The following PIP5K1B variants were observed in gnomAD, a reference collection of about 807,000 sequenced individuals.
PIP5K1B encodes the protein phosphatidylinositol-4-phosphate 5-kinase type 1 beta.
In PIP5K1B, 42 loss-of-function variants were observed where a neutral mutation model predicts 67.0. That is an observed-to-expected ratio of 0.63 (90% CI 0.49 to 0.81). The LOEUF is 0.81. Among genes scored for constraint, PIP5K1B ranks in the 30% least tolerant of loss-of-function variants. The pLI is 0.00. For synonymous variants in PIP5K1B, 214 were observed against 231.4 expected, an observed-to-expected ratio of 0.92 and a Z score of 0.68; for missense variants, 459 against 646.3, an observed-to-expected ratio of 0.71 and a Z score of 3.14.
At chr9:68,989,563 T>C (rs1389224852) in intron 14 of PIP5K1B, among the ~76,000 whole-genome samples, 1 of 152,080 alleles carries the variant, frequency 6.6e-6, no homozygotes, top group Non-Finnish European at 1.5e-5. Flanking sequence ...TTTTCAAATA[T>C]TTTGTTCCAG....
intron 14 of PIP5K1B, among the ~76,000 whole-genome samples, chr9:68,971,695 C>T (rs567908041): frequency 2.0e-5 from 3 of 152,282 alleles, no homozygotes; most frequent in Non-Finnish European, 4.4e-5. Flanking sequence ...TTCTAACTGG[C>T]GTGAGATGGT....
At chr9:68,831,361 T>C (rs767925551) in intron 4 of PIP5K1B, among the ~76,000 whole-genome samples, 5 of 152,212 alleles carry the variant, frequency 3.3e-5, no homozygotes, top group Non-Finnish European at 7.3e-5. Context: ...AGAAAATACA[T>C]TTAATCTTCC....
intron 14 of PIP5K1B, among the ~76,000 whole-genome samples, chr9:68,948,515 C>T (rs1417309104): frequency 1.3e-5 from 2 of 151,992 alleles, no homozygotes; most frequent in African/African-American, 4.8e-5. Context: ...CATGGTGGCA[C>T]GTGCCTGTAG....
intron 2 of PIP5K1B, among the ~76,000 whole-genome samples, chr9:68,760,321 T>G (rs1288367683): frequency 6.6e-6 from 1 of 152,076 alleles, no homozygotes; most frequent in Non-Finnish European, 1.5e-5. Context: ...AAAGTTACTT[T>G]AACCATACAT....
intron 4 of PIP5K1B, among the ~76,000 whole-genome samples, chr9:68,841,662 T>C (rs1821929722): frequency 6.6e-6 from 1 of 152,218 alleles, no homozygotes; most frequent in African/African-American, 2.4e-5. Flanking sequence ...AAAAAAGGAA[T>C]AAAAGTCATC....
intron 2 of PIP5K1B, among the ~76,000 whole-genome samples, chr9:68,813,044 A>G (rs922971050): frequency 2.0e-5 from 3 of 152,226 alleles, no homozygotes; most frequent in Non-Finnish European, 2.9e-5. Flanking sequence ...GCAGTAAGCA[A>G]TACAGTATTT....
At chr9:68,778,852 ACTCATGGCTGC>A (rs774536875) in intron 2 of PIP5K1B, among the ~76,000 whole-genome samples, 6 of 152,034 alleles carry the variant, frequency 3.9e-5, no homozygotes, top group Middle Eastern at 3.4e-3. Context: ...AACTCATCAA[ACTCATGGCTGC>A]CTCCGGCCTT....
chr9:68,866,025 G>A (rs79167091), intron 5 of PIP5K1B, among the ~76,000 whole-genome samples: 2,726 of 152,240 alleles, frequency 0.018, 73 homozygotes, highest in African/African-American at 0.058. Flanking sequence ...TGCATCTTTG[G>A]CCTTCACTGT....
In PIP5K1B at chr9:68,705,447, G is replaced by T. The variant is rs868854294; in HGVS notation, c.-558G>T. The T allele has an allele frequency of 6.6e-6, 1 of 151,932 alleles. No individual in the cohort carries two copies. The highest frequency in any genetic ancestry group is 1.5e-5 in the Non-Finnish European group (1 of 68,258). The allele number at this position is 151,932 out of a possible 1,614,324, so 9.4% of individuals were successfully genotyped here. A position where few individuals can be genotyped will look rare whatever the true frequency, so the allele number is the denominator to read the frequency against. On this transcript the variant is annotated 5_prime_UTR_variant, in exon 1 of 16. Coordinates refer to ENST00000265382, the MANE Select transcript of PIP5K1B (RefSeq NM_003558.4). Reference sequence around the variant, plus strand: ...TCTGGCCGGAGGACCGGCGGGGAAGGAAGGGGAAAGCGGGGACACACACAC... The same window carrying T: ...TCTGGCCGGAGGACCGGCGGGGAAGTAAGGGGAAAGCGGGGACACACACAC...
chr9:68,763,815 A>T (rs141277471), intron 2 of PIP5K1B, among the ~76,000 whole-genome samples: 1 of 152,208 alleles, frequency 6.6e-6, no homozygotes, highest in East Asian at 1.9e-4. Flanking sequence ...TTTCCTTCCT[A>T]TGAATTGGTA....
intron 8 of PIP5K1B, among the ~76,000 whole-genome samples, chr9:68,911,275 A>G (rs556278879): frequency 1.3e-5 from 2 of 152,104 alleles, no homozygotes; most frequent in Admixed American, 6.5e-5. Context: ...TGGGAGGCTG[A>G]GGCAGGAACA....
chr9:68,780,374 C>T (rs368240300), intron 2 of PIP5K1B: 2 of 1,613,114 alleles, frequency 1.2e-6, no homozygotes, highest in African/African-American at 2.7e-5. Flanking sequence ...GCCGCCACGG[C>T]CTGCTGCTGC....
At chr9:68,946,769 G>A (rs1031336957) in intron 14 of PIP5K1B, among the ~76,000 whole-genome samples, 1 of 152,088 alleles carries the variant, frequency 6.6e-6, no homozygotes, top group Non-Finnish European at 1.5e-5. Context: ...CTCAGATGGT[G>A]GTGGGTAAAG....
intron 5 of PIP5K1B, among the ~76,000 whole-genome samples, chr9:68,867,765 G>A (rs1823433776): frequency 6.6e-6 from 1 of 152,174 alleles, no homozygotes; most frequent in Non-Finnish European, 1.5e-5. Context: ...ATATGGGGAT[G>A]AAGAAAGGGG....
chr9:68,741,254 A>T lies in PIP5K1B; in HGVS notation c.-242-1247A>T, dbSNP rs925676507. Among the ~76,000 whole-genome samples the T allele has an allele frequency of 2.6e-5, 4 of 152,290 alleles. No homozygotes were observed. The East Asian group carries it at 7.7e-4, about 29-fold the overall frequency. On this transcript the variant is annotated intron_variant, in intron 1 of 15. Coordinates refer to ENST00000265382, the MANE Select transcript of PIP5K1B (RefSeq NM_003558.4). ...CATAAATTGATTTTTGTTTCATTTA[A>T]CATTATCCCATGTCATCTGAGTAGA...
chr9:68,824,723 TAG>T (rs1833897293), intron 4 of PIP5K1B, among the ~76,000 whole-genome samples: 1 of 152,154 alleles, frequency 6.6e-6, no homozygotes, highest in South Asian at 2.1e-4. Context: ...AGGAATCGCT[TAG>T]AGAGAGTGTT....
chr9:68,737,555 C>T (rs1049147543), intron 1 of PIP5K1B, among the ~76,000 whole-genome samples: 4 of 152,170 alleles, frequency 2.6e-5, no homozygotes, highest in African/African-American at 9.7e-5. Flanking sequence ...ATTTACCTCT[C>T]TGGGGCACAC....
intron 4 of PIP5K1B, among the ~76,000 whole-genome samples, chr9:68,855,939 C>T (rs1334498972): frequency 6.6e-6 from 1 of 152,158 alleles, no homozygotes; most frequent in Non-Finnish European, 1.5e-5. Flanking sequence ...TTACTACAAG[C>T]TCAGTGGCTT....
intron 2 of PIP5K1B, chr9:68,789,748 C>T (rs1831853708): frequency 1.7e-5 from 4 of 237,272 alleles, no homozygotes; most frequent in South Asian, 1.6e-4. Flanking sequence ...ATTTTCAACC[C>T]CATCTTTCAA....
Sources: allele counts gnomAD v4.1 joint callset (sites outside exome capture counted in the v4.1 genomes callset), GRCh38; gene constraint gnomAD v4.1.1; transcripts MANE v1.5; gene names NCBI Gene and HGNC (gene_info 2026-07-23, HGNC 2026-07-21).